Variants in EPHX4 observed in about 807,000 individuals in gnomAD.
EPHX4 encodes abhydrolase domain containing 7.
Under a neutral mutation model 44.9 loss-of-function variants are expected in EPHX4, and 31 were observed. That is an observed-to-expected ratio of 0.69 (90% confidence interval 0.52 to 0.93). EPHX4 has a LOEUF of 0.93. Among genes scored for constraint, EPHX4 ranks in the 40% least tolerant of loss-of-function variants. The probability of loss-of-function intolerance (pLI) is 0.00; values close to 1 mark genes in which losing one functional copy is unlikely to be tolerated. For synonymous variants in EPHX4, 151 were observed against 159.7 expected, an observed-to-expected ratio of 0.95 and a Z score of 0.41; for missense variants, 373 against 438.1, an observed-to-expected ratio of 0.85 and a Z score of 1.33.
intron 1 of EPHX4, 59 bp downstream of exon 1, chr1:92,030,369 G>A (rs868125445): frequency 7.1e-7 from 1 of 1,400,624 alleles, no homozygotes; most frequent in Non-Finnish European, 9.4e-7. Context: ...GCGAGGGTGG[G>A]GGGCTCCGGG....
chr1:92,053,005 G>A (rs1647293292), intron 6 of EPHX4, among the ~76,000 whole-genome samples: 1 of 152,172 alleles, frequency 6.6e-6, no homozygotes, highest in Non-Finnish European at 1.5e-5. Flanking sequence ...TCTGGGCTGT[G>A]TTAGTTACTC....
intron 2 of EPHX4, among the ~76,000 whole-genome samples, chr1:92,033,131 T>C (rs1570686562): frequency 6.6e-6 from 1 of 150,466 alleles, no homozygotes; most frequent in African/African-American, 2.5e-5. Context: ...CCTAGGCTGG[T>C]CTTGAAAGCC....
At chr1:92,030,483 T>TGA (rs1553201381) in intron 1 of EPHX4, among the ~76,000 whole-genome samples, 173 bp downstream of exon 1, 8 of 138,656 alleles carry the variant, frequency 5.8e-5, no homozygotes, top group South Asian at 2.3e-4. Flanking sequence ...TGTGTGTGTG[T>TGA]GTGAGAGAGA....
At chr1:92,034,537 A>G (rs1187860428) in intron 2 of EPHX4, among the ~76,000 whole-genome samples, 1 of 152,092 alleles carries the variant, frequency 6.6e-6, no homozygotes, top group Non-Finnish European at 1.5e-5. Flanking sequence ...CTAGAATTCC[A>G]GCATTACAGA....
rs189194879 is a variant in EPHX4 at position 92,036,570 on chromosome 1, C to G, written c.317+3980C>G. Among the ~76,000 whole-genome samples the G allele has an allele frequency of 1.3e-3, 193 of 152,294 alleles. 7 individuals carry two copies. In the East Asian group the frequency reaches 0.033, roughly 26 times the overall value. ...TGGGAAGCTCCTAGAAATATTTTCACTCTGAAAAGCCATAGATTAAGAAAT... is the reference window on the plus strand; with the variant it reads ...TGGGAAGCTCCTAGAAATATTTTCAGTCTGAAAAGCCATAGATTAAGAAAT... On this transcript the variant is annotated intron_variant, in intron 2 of 6. Coordinates refer to ENST00000370383, the MANE Select transcript of EPHX4 (RefSeq NM_173567.5).
At chr1:92,037,682 A>G (rs143917821) in intron 2 of EPHX4, among the ~76,000 whole-genome samples, 132 of 152,310 alleles carry the variant, frequency 8.7e-4, no homozygotes, top group African/African-American at 3.0e-3. Context: ...GGTAAAGAGG[A>G]GGAGGATAGT....
At chr1:92,055,106 A>G (rs796634293) in intron 6 of EPHX4, among the ~76,000 whole-genome samples, 4 of 152,198 alleles carry the variant, frequency 2.6e-5, no homozygotes, top group South Asian at 2.1e-4. Context: ...AAAAAATTTA[A>G]AACTATCAAA....
intron 6 of EPHX4, among the ~76,000 whole-genome samples, chr1:92,053,575 T>A (rs1370034241): frequency 1.3e-5 from 2 of 152,146 alleles, no homozygotes; most frequent in Non-Finnish European, 1.5e-5. Flanking sequence ...AGGCTAGAGA[T>A]GATGGTAACT....
intron 3 of EPHX4, among the ~76,000 whole-genome samples, chr1:92,044,609 G>T (rs929969480): frequency 2.0e-5 from 3 of 152,070 alleles, no homozygotes; most frequent in African/African-American, 7.2e-5. Context: ...AAATGAAACT[G>T]GTGCAAAATT....
intron 6 of EPHX4, among the ~76,000 whole-genome samples, chr1:92,053,749 G>A (rs1430042190): frequency 2.0e-5 from 3 of 152,150 alleles, no homozygotes; most frequent in Admixed American, 6.5e-5. Flanking sequence ...GTATGGATAA[G>A]CATGCCATTT....
intron 6 of EPHX4, among the ~76,000 whole-genome samples, chr1:92,062,445 C>G (rs1009118068): frequency 6.6e-6 from 1 of 151,728 alleles, no homozygotes; most frequent in Non-Finnish European, 1.5e-5. Context: ...ATTAGCCAGG[C>G]GCATTGGCAG....
chr1:92,045,721 C>A, intron 4 of EPHX4, 61 bp downstream of exon 4: 5 of 1,593,578 alleles, frequency 3.1e-6, no homozygotes, highest in Non-Finnish European at 4.3e-6. Flanking sequence ...TTGCCACTGA[C>A]CTTTTGGATT....
intron 2 of EPHX4, among the ~76,000 whole-genome samples, chr1:92,034,465 A>G (rs1230174984): frequency 6.6e-6 from 1 of 152,090 alleles, no homozygotes; most frequent in Non-Finnish European, 1.5e-5. Context: ...AATATCTGGT[A>G]TATTTTGAAA....
chr1:92,039,089 T>C (rs1460842943), intron 2 of EPHX4, among the ~76,000 whole-genome samples: 1 of 152,244 alleles, frequency 6.6e-6, no homozygotes, highest in Non-Finnish European at 1.5e-5. Flanking sequence ...TTAGTTCTTT[T>C]TGTTATAAAG....
chr1:92,055,770 A>C (rs1647354580), intron 6 of EPHX4, among the ~76,000 whole-genome samples: 1 of 152,206 alleles, frequency 6.6e-6, no homozygotes, highest in Admixed American at 6.5e-5. Flanking sequence ...AAAGATTTAA[A>C]ATCTTAATTT....
chr1:92,038,524 C>T (rs965715829), intron 2 of EPHX4, among the ~76,000 whole-genome samples: 14 of 152,110 alleles, frequency 9.2e-5, no homozygotes, highest in African/African-American at 1.7e-4. Context: ...TTCTCATAGA[C>T]GACCCAGGAA....
intron 4 of EPHX4, among the ~76,000 whole-genome samples, chr1:92,049,231 A>G (rs1002209824): frequency 1.2e-4 from 18 of 152,108 alleles, no homozygotes; most frequent in African/African-American, 4.3e-4. Context: ...TACCAAGCCC[A>G]GGATCTACTT....
Position 92,030,309 on chromosome 1 carries a change from A to T in EPHX4, c.230A>T (p.Lys77Met). 2 of 1,554,814 alleles carry T rather than the reference A, an allele frequency of 1.3e-6. No individual in the cohort carries two copies. The highest frequency in any genetic ancestry group is 1.7e-6 in the Non-Finnish European group (2 of 1,151,730). ...GGCACCCACTGCTACGTGCGGATCA[A>T]GGTGAAGGGCCGCGCGGGCCTGGCG... ...SLGTHCYVRI[K>M]DSGLRFHYVA... The change falls in exon 1 of 7, where the codon AAG (lysine) becomes ATG (methionine). Residue 77 changes from lysine (K) to methionine (M), a missense_variant and splice_region_variant. Lys to Met is a moderately conservative substitution (Grantham distance 95). Coordinates refer to ENST00000370383, the MANE Select transcript of EPHX4 (RefSeq NM_173567.5).
chr1:92,059,858 GT>G (rs35027584), intron 6 of EPHX4, among the ~76,000 whole-genome samples: 4,354 of 146,784 alleles, frequency 0.03, 200 homozygotes, highest in African/African-American at 0.099. Context: ...CAGTAGAGAA[GT>G]TTTTTTTTTT....
Sources: allele counts gnomAD v4.1 joint callset (sites outside exome capture counted in the v4.1 genomes callset), GRCh38; gene constraint gnomAD v4.1.1; transcripts MANE v1.5; gene names NCBI Gene and HGNC (gene_info 2026-07-23, HGNC 2026-07-21).